Variants in SVOP observed in about 807,000 individuals in gnomAD.
SVOP encodes the protein synaptic vesicle 2-related protein.
In SVOP, 17 loss-of-function variants were observed where a neutral mutation model predicts 69.1. The observed-to-expected ratio is 0.25, with a 90% CI of 0.17 to 0.37. The LOEUF is 0.37. Among genes scored for constraint, SVOP ranks in the 10% least tolerant of loss-of-function variants. The probability of loss-of-function intolerance (pLI) is 1.00; values close to 1 mark genes in which losing one functional copy is unlikely to be tolerated. For missense variants in SVOP, 435 were observed against 597.5 expected (o/e 0.73, Z 2.84); for synonymous variants, 238 against 238.6 (o/e 1.00, Z 0.02).
intron 1 of SVOP, among the ~76,000 whole-genome samples, chr12:109,010,188 A>G (rs571940486): frequency 1.3e-5 from 2 of 151,980 alleles, no homozygotes; most frequent in Non-Finnish European, 2.9e-5. Flanking sequence ...CACCAGAATA[A>G]CTGACATGAT....
At chr12:108,944,656 A>C (rs2039912250) in intron 7 of SVOP, among the ~76,000 whole-genome samples, 1 of 152,148 alleles carries the variant, frequency 6.6e-6, no homozygotes, top group Non-Finnish European at 1.5e-5. Context: ...GAAAAACTTG[A>C]CAGGAACTAG....
At chr12:108,992,109 C>T (rs761714529) in intron 1 of SVOP, among the ~76,000 whole-genome samples, 1 of 152,094 alleles carries the variant, frequency 6.6e-6, no homozygotes, top group South Asian at 2.1e-4. Flanking sequence ...CCAATATCTG[C>T]GTCCTAGATA....
chr12:109,012,409 G>C (rs1327046624), intron 1 of SVOP, among the ~76,000 whole-genome samples: 2 of 152,112 alleles, frequency 1.3e-5, no homozygotes, highest in African/African-American at 2.4e-5. Flanking sequence ...GAGATTTTAA[G>C]TGTACTCACC....
Position 108,923,370 on chromosome 12 carries a change from G to A in SVOP, c.1049-573C>T, listed in dbSNP as rs536916279. Among the ~76,000 whole-genome samples, 111 of 152,292 alleles carry A rather than the reference G, an allele frequency of 7.3e-4. 1 individual carries two copies. The highest frequency in any genetic ancestry group is 3.7e-3 in the South Asian group (18 of 4,822). Reference sequence around the variant, plus strand: ...CTATGTGGTGGCAAGGAGTGGAGGGGAGCCTCTAGTTGCTGAGGGCAGCCT... The same window carrying A: ...CTATGTGGTGGCAAGGAGTGGAGGGAAGCCTCTAGTTGCTGAGGGCAGCCT... On this transcript the variant is annotated intron_variant, in intron 11 of 15. Transcript: ENST00000610966.
intron 1 of SVOP, among the ~76,000 whole-genome samples, chr12:108,992,519 C>T (rs2040208197): frequency 6.6e-6 from 1 of 152,112 alleles, no homozygotes. Flanking sequence ...CCAGGCTGGG[C>T]AACAGAAAGA....
chr12:108,913,249 T>C (rs1324587350), intron 15 of SVOP, among the ~76,000 whole-genome samples: 2 of 152,038 alleles, frequency 1.3e-5, no homozygotes, highest in Admixed American at 1.3e-4. Context: ...TTAGTAGAGA[T>C]GGGGTTTCTC....
chr12:109,000,339 A>G (rs1446057997), intron 1 of SVOP, among the ~76,000 whole-genome samples: 1 of 141,252 alleles, frequency 7.1e-6, no homozygotes, highest in African/African-American at 2.6e-5. Flanking sequence ...AACCAAAAAG[A>G]GTCCAGGACC....
intron 12 of SVOP, among the ~76,000 whole-genome samples, chr12:108,921,837 G>T (rs1010238930): frequency 6.6e-6 from 1 of 152,126 alleles, no homozygotes; most frequent in Non-Finnish European, 1.5e-5. Flanking sequence ...TGTAAAATGG[G>T]AATAACTAAA....
At chr12:109,015,409 T>C (rs1398658083) in intron 1 of SVOP, among the ~76,000 whole-genome samples, 3 of 152,060 alleles carry the variant, frequency 2.0e-5, no homozygotes, top group Non-Finnish European at 2.9e-5. Flanking sequence ...ATCATTGCAA[T>C]CAATCCCAGT....
intron 1 of SVOP, among the ~76,000 whole-genome samples, chr12:108,988,770 CTTTTTTT>C (rs758822738): frequency 1.1e-5 from 1 of 92,182 alleles, no homozygotes; most frequent in African/African-American, 3.9e-5. Flanking sequence ...TCTTTTCTCT[CTTTTTTT>C]TTTTTTTTTT....
chr12:108,960,618 AAC>A (rs1227913977), intron 6 of SVOP, among the ~76,000 whole-genome samples: 1 of 152,192 alleles, frequency 6.6e-6, no homozygotes, highest in Non-Finnish European at 1.5e-5. Flanking sequence ...ATAATACAAT[AAC>A]ACACACCTCT....
chr12:108,977,016 C>T (rs1163283704), intron 4 of SVOP, among the ~76,000 whole-genome samples: 1 of 152,190 alleles, frequency 6.6e-6, no homozygotes, highest in Non-Finnish European at 1.5e-5. Context: ...GCAATAGCTC[C>T]AATTTATTGA....
rs1432515088 is a variant in SVOP at position 108,907,913 on chromosome 12, T to A, written c.*4622A>T. On this transcript the variant is annotated 3_prime_UTR_variant, in exon 16 of 16. Transcript: ENST00000610966. The stretch of plus-strand genomic sequence containing the variant: ...GAGTTTATGCACATGTCACTGCAGA[T>A]TCCAGGCATACCAGCAATTGTCTGC... The A allele has an allele frequency of 2.6e-5, 4 of 152,272 alleles. No individual in the cohort carries two copies. The highest frequency in any genetic ancestry group is 1.5e-5 in the Non-Finnish European group (1 of 68,060). The allele number at this position is 152,272 out of a possible 1,614,324, so 9.4% of individuals were successfully genotyped here.
chr12:108,943,079 A>G (rs1052811792), intron 7 of SVOP, among the ~76,000 whole-genome samples: 1 of 151,946 alleles, frequency 6.6e-6, no homozygotes, highest in Non-Finnish European at 1.5e-5. Flanking sequence ...TTATTAAACC[A>G]TCTGCAGTGA....
intron 6 of SVOP, among the ~76,000 whole-genome samples, chr12:108,960,036 G>A (rs772292609): frequency 9.2e-5 from 14 of 152,158 alleles, no homozygotes; most frequent in Non-Finnish European, 2.1e-4. Context: ...TGGGTAAACC[G>A]TTTAGAACAG....
chr12:108,952,304 G>A (rs1593188620), intron 6 of SVOP, among the ~76,000 whole-genome samples: 2 of 123,182 alleles, frequency 1.6e-5, no homozygotes, highest in South Asian at 5.6e-4. Flanking sequence ...GTACGATCTT[G>A]GCTCACCGCA....
chr12:108,977,542 G>C, intron 3 of SVOP, 46 bp from the exon 4 acceptor site: 1 of 1,324,008 alleles, frequency 7.6e-7, no homozygotes, highest in Non-Finnish European at 1.0e-6. Flanking sequence ...GCTGCTTGGT[G>C]CTGGGGAAGG....
At chr12:109,010,727 T>C (rs1387907434) in intron 1 of SVOP, among the ~76,000 whole-genome samples, 1 of 152,072 alleles carries the variant, frequency 6.6e-6, no homozygotes, top group African/African-American at 2.4e-5. Flanking sequence ...GATCTCAAAC[T>C]CCTGAGCTAA....
chr12:108,972,390 G>A lies in SVOP; in HGVS notation c.453+15C>T, dbSNP rs752449131. ...ACCCAGAGGACATGCGTTTAGAAGA[G>A]TAAGTTTGCCTTACTGTTTTCCTGC... On this transcript the variant is annotated intron_variant, in intron 5 of 15. Transcript: ENST00000610966. 1.3e-6 allele frequency: 2 copies of A among 1,537,016 alleles called. No individual in the cohort carries two copies. Among genetic ancestry groups the A allele is most frequent in the Admixed American group, 3.9e-5 (2 of 50,972 alleles).
Sources: allele counts gnomAD v4.1 joint callset (sites outside exome capture counted in the v4.1 genomes callset), GRCh38; gene constraint gnomAD v4.1.1; transcripts MANE v1.5; gene names NCBI Gene and HGNC (gene_info 2026-07-23, HGNC 2026-07-21).